Variants in DIP2A observed in about 807,000 individuals in gnomAD.
The protein encoded by DIP2A is DIP2 acetate--CoA ligase A.
In DIP2A, 85 loss-of-function variants were observed where a neutral mutation model predicts 177.4. That is an observed-to-expected ratio of 0.48 (90% CI 0.40 to 0.57). DIP2A has a LOEUF of 0.57. Ranked by LOEUF, DIP2A falls within the 20% of genes least tolerant of loss-of-function variation. DIP2A has a pLI of 0.00. For synonymous variants in DIP2A, 886 were observed against 881.8 expected (o/e 1.00, Z -0.08); for missense variants, 1,791 against 2,100.2 (o/e 0.85, Z 2.88).
At chr21:46,530,279 G>A (rs903080400) in intron 9 of DIP2A, among the ~76,000 whole-genome samples, 1 of 152,188 alleles carries the variant, frequency 6.6e-6, no homozygotes, top group African/African-American at 2.4e-5. Context: ...TTAACAAGCT[G>A]GCAGACAGTT....
the DIP2A span, among the ~76,000 whole-genome samples, chr21:46,576,689 G>C: frequency 6.6e-6 from 1 of 152,178 alleles, no homozygotes; most frequent in African/African-American, 2.4e-5. Flanking sequence ...AGGTCTTTGA[G>C]AAATTGCCAC....
At chr21:46,463,680 T>TTGTGTGTGTG (rs5844275) in intron 1 of DIP2A, among the ~76,000 whole-genome samples, 8,990 of 130,850 alleles carry the variant, frequency 0.069, 382 homozygotes, top group Middle Eastern at 0.13. Flanking sequence ...TGGGATATAT[T>TTGTGTGTGTG]TGTGTGTGTG....
At position 46,558,290 on chromosome 21, in the gene DIP2A, C is replaced by T. The variant is rs1469948093; in HGVS notation, c.3866C>T (p.Ala1289Val). 7 of 1,611,530 alleles carry T rather than the reference C, an allele frequency of 4.3e-6. No homozygotes were observed. Among genetic ancestry groups the T allele is most frequent in the East Asian group, 2.2e-5 (1 of 44,836 alleles). The change falls in exon 32 of 38, where the codon GCG (alanine) becomes GTG (valine). Residue 1289 changes from alanine to valine, a missense_variant. Ala to Val is a moderately conservative substitution (Grantham distance 64). Transcript: ENST00000417564. ...MVVAEERPRI[A>V]LTQSFSKLFK... ...GTCGCCGAGGAGCGGCCCAGGATTGCGCTGACCCAGTCCTTCTCCAAGCTC... is the reference window on the plus strand; with the variant it reads ...GTCGCCGAGGAGCGGCCCAGGATTGTGCTGACCCAGTCCTTCTCCAAGCTC...
intron 34 of DIP2A, among the ~76,000 whole-genome samples, chr21:46,562,766 G>A (rs547406625): frequency 2.0e-5 from 3 of 152,174 alleles, no homozygotes; most frequent in East Asian, 1.9e-4. Flanking sequence ...CACTTCAGGC[G>A]GTAGACCAGC....
Position 46,537,677 on chromosome 21 carries a change from G to A in DIP2A, c.1801+138G>A. 1.2e-6 allele frequency: 1 copy of A among 828,918 alleles called. No homozygotes were observed. The highest frequency in any genetic ancestry group is 2.6e-5 in the Admixed American group (1 of 38,236). 51.3% of individuals were successfully genotyped at this position (828,918 alleles called of 1,614,324 possible). On this transcript the variant is annotated intron_variant, in intron 15 of 37. Transcript: ENST00000417564. This position sits in a 1 kb window ranked among gnomAD's most constrained non-coding sequence, Gnocchi z 4.1. ...GAAGAGCTGTGGGACGTCTTTCTTG[G>A]TCACACCCCTGCCCAGGAATATGGG...
chr21:46,558,403 C>G lies in DIP2A; in HGVS notation c.3969+10C>G. ...GGCCATCTGCCTCCAGGTGAGGTGC[C>G]TGGGGCTGCGGTTCTCGAAAGCTGG... is the stretch of plus-strand genomic sequence containing the variant. On this transcript the variant is annotated intron_variant, in intron 32 of 37. Transcript: ENST00000417564. The G allele has an allele frequency of 7.0e-7, 1 of 1,427,078 alleles. No individual in the cohort carries two copies. The allele number at this position is 1,427,078 out of a possible 1,614,324, so 88.4% of individuals were successfully genotyped here.
At chr21:46,541,454 C>T (rs1389441655) in intron 17 of DIP2A, among the ~76,000 whole-genome samples, 1 of 152,076 alleles carries the variant, frequency 6.6e-6, no homozygotes, top group Non-Finnish European at 1.5e-5. Flanking sequence ...GGGCTCCAGG[C>T]GAGTGTCCCA....
In DIP2A at chr21:46,498,684, G is replaced by A. The variant is rs777443649; in HGVS notation, c.506G>A (p.Arg169Gln). Reference protein sequence around the residue: ...SHSSVEPWLDRVIQGSSTSSS... With the variant: ...SHSSVEPWLDQVIQGSSTSSS... ...TCCAGCGTCGAGCCCTGGCTCGACC[G>A]GGTCATTCAGGGCTCGTCCACCTCA... The change falls in exon 5 of 38, where the codon CGG becomes CAG. Residue 169 changes from arginine to glutamine, a missense_variant. Transcript: ENST00000417564. This position sits in a 1 kb window ranked among gnomAD's most constrained non-coding sequence, Gnocchi z 4.3. 8.1e-6 allele frequency: 13 copies of A among 1,613,668 alleles called. No individual in the cohort carries two copies. The highest frequency in any genetic ancestry group is 1.7e-5 in the Admixed American group (1 of 60,002).
rs2059383951 is a variant in DIP2A at position 46,532,219 on chromosome 21, A to C, written c.1287A>C (p.Glu429Asp). ...CAGAGCTGGTTCCTGTCCCCATAGA[A>C]GTGCCATTAACAAGAAAGGTAGCAA... ...LLAELVPVPI[E>D]VPLTRKDAGS... Residue 429 changes from glutamate to aspartate, a missense_variant, in exon 10 of 38, where the codon GAA becomes GAC. By Grantham distance (45) the Glu-to-Asp change is conservative. Coordinates refer to ENST00000417564, the MANE Select transcript of DIP2A (RefSeq NM_015151.4). 6.2e-7 allele frequency: 1 copy of C among 1,613,870 alleles called. No homozygotes were observed. The highest frequency in any genetic ancestry group is 2.2e-5 in the East Asian group (1 of 44,880).
chr21:46,463,631 A>C (rs1363991491), intron 1 of DIP2A, among the ~76,000 whole-genome samples: 1 of 151,828 alleles, frequency 6.6e-6, no homozygotes. Context: ...TCTCTCACAA[A>C]GCTTTTTTCC....
chr21:46,547,292 G>C (rs1379380871), intron 21 of DIP2A: 7 of 1,129,338 alleles, frequency 6.2e-6, no homozygotes, highest in African/African-American at 1.6e-5. Flanking sequence ...TGGGGCAAAG[G>C]CTCAAGGGGA....
At chr21:46,478,322 C>T (rs1263544787) in intron 1 of DIP2A, among the ~76,000 whole-genome samples, 4 of 152,056 alleles carry the variant, frequency 2.6e-5, no homozygotes, top group Admixed American at 2.0e-4. Flanking sequence ...AAGCCATTCT[C>T]CTGCCTCAGC....
intron 32 of DIP2A, among the ~76,000 whole-genome samples, chr21:46,560,172 C>G (rs187460638): frequency 1.2e-4 from 19 of 152,318 alleles, no homozygotes; most frequent in Non-Finnish European, 7.3e-5. Flanking sequence ...TGATGTTGAT[C>G]AGAGTACTCA....
intron 13 of DIP2A, among the ~76,000 whole-genome samples, chr21:46,536,604 G>A (rs1201816814): frequency 6.6e-6 from 1 of 152,160 alleles, no homozygotes; most frequent in African/African-American, 2.4e-5. Context: ...AAAAATATCT[G>A]ATGAGAAGAT....
downstream of DIP2A, among the ~76,000 whole-genome samples, chr21:46,573,645 CAAAAAAAAAAAAAAAAAAAAAAAAAA>C (rs201994694): frequency 5.7e-5 from 3 of 52,960 alleles, 1 homozygote; most frequent in African/African-American, 1.8e-4. Flanking sequence ...CCCTCTCTCA[CAAAAAAAAAAAAAAAAAAAAAAAAAA>C]AAAAAAAAAA....
chr21:46,479,058 G>A (rs897398347), intron 1 of DIP2A, among the ~76,000 whole-genome samples: 1 of 152,196 alleles, frequency 6.6e-6, no homozygotes, highest in Non-Finnish European at 1.5e-5. Flanking sequence ...GTCCTTATGA[G>A]TGCTGCTCTA....
At chr21:46,562,772 C>T (rs1265444052) in intron 34 of DIP2A, among the ~76,000 whole-genome samples, 1 of 152,190 alleles carries the variant, frequency 6.6e-6, no homozygotes, top group African/African-American at 2.4e-5. Flanking sequence ...AGGCGGTAGA[C>T]CAGCCGAGAG....
intron 31 of DIP2A, 64 bp from the exon 32 acceptor site, chr21:46,558,159 G>A (rs2060534294): frequency 6.6e-7 from 1 of 1,510,018 alleles, no homozygotes; most frequent in South Asian, 1.3e-5. Flanking sequence ...TCCCAAAACA[G>A]TGCCCAGGGC....
At chr21:46,526,619 G>T (rs780348780) in intron 8 of DIP2A, among the ~76,000 whole-genome samples, 1 of 151,920 alleles carries the variant, frequency 6.6e-6, no homozygotes, top group Non-Finnish European at 1.5e-5. Flanking sequence ...GGTCTTGAAC[G>T]CCTCAGCTCA....
Sources: allele counts gnomAD v4.1 joint callset (sites outside exome capture counted in the v4.1 genomes callset), GRCh38; gene constraint gnomAD v4.1.1; non-coding constraint Gnocchi (gnomAD v3.1); transcripts MANE v1.5; gene names NCBI Gene and HGNC (gene_info 2026-07-23, HGNC 2026-07-21).